The following MRTFB variants were observed in gnomAD, a reference collection of about 807,000 sequenced individuals.
The protein encoded by MRTFB is myocardin related transcription factor B.
A neutral mutation model predicts 104.2 loss-of-function variants in MRTFB; 29 were observed. The ratio of observed to expected loss-of-function variants is 0.28; its 90% CI spans 0.21 to 0.38. The LOEUF is 0.38. Ranked by LOEUF, MRTFB falls within the 10% of genes least tolerant of loss-of-function variation. The probability of loss-of-function intolerance (pLI) is 1.00; values close to 1 mark genes in which losing one functional copy is unlikely to be tolerated. For synonymous variants in MRTFB, 535 were observed against 519.5 expected (o/e 1.03, Z -0.41); for missense variants, 1,270 against 1,341.6 (o/e 0.95, Z 0.83).
chr16:14,066,158 T>C, the MRTFB span, among the ~76,000 whole-genome samples: 3 of 152,302 alleles, frequency 2.0e-5, no homozygotes, highest in Admixed American at 6.5e-5. Flanking sequence ...AACCCCACTA[T>C]AGGACTTTAT....
rs566969954 is a variant in MRTFB at position 14,077,084 on chromosome 16, A to G, written c.-128-2206A>G. Among the ~76,000 whole-genome samples the G allele has an allele frequency of 6.6e-5, 10 of 152,268 alleles. No individual in the cohort carries two copies. In the East Asian group the frequency reaches 1.9e-3, roughly 29 times the overall value. ...TCACTTGTTTTTAAAAATGACTTTC[A>G]TGTATTTTGGTATAAAGAAGGCTTA... On this transcript the variant is annotated intron_variant, in intron 1 of 16. Coordinates refer to ENST00000571589, the MANE Select transcript of MRTFB (RefSeq NM_001308142.2).
chr16:14,238,336 A>G (rs1295279507), intron 9 of MRTFB, among the ~76,000 whole-genome samples: 1 of 151,982 alleles, frequency 6.6e-6, no homozygotes, highest in Non-Finnish European at 1.5e-5. Flanking sequence ...AAAGGGGGGG[A>G]CTGTGCAAGT....
chr16:14,031,889 C>A, the MRTFB span, among the ~76,000 whole-genome samples: 3 of 152,134 alleles, frequency 2.0e-5, no homozygotes, highest in African/African-American at 4.8e-5. Flanking sequence ...CTCTCTGCAA[C>A]CTCCGTCTCC....
At chr16:14,159,656 G>A (rs868436189) in intron 3 of MRTFB, among the ~76,000 whole-genome samples, 18 of 152,194 alleles carry the variant, frequency 1.2e-4, no homozygotes, top group South Asian at 8.3e-4. Flanking sequence ...ATGGCCGGGC[G>A]CGGTGGCTCA....
the MRTFB span, among the ~76,000 whole-genome samples, chr16:14,016,703 G>A: frequency 3.4e-5 from 5 of 149,054 alleles, no homozygotes; most frequent in Admixed American, 3.3e-4. Context: ...AACCCAGGAG[G>A]CGGAGGTTGC....
the MRTFB span, among the ~76,000 whole-genome samples, chr16:14,057,840 C>T: frequency 1.3e-5 from 2 of 152,212 alleles, no homozygotes; most frequent in Non-Finnish European, 2.9e-5. Flanking sequence ...ACTAAAGAGT[C>T]CAACTCTGAG....
At chr16:14,166,217 C>CTTTTT (rs35113283) in intron 3 of MRTFB, among the ~76,000 whole-genome samples, 81 of 112,370 alleles carry the variant, frequency 7.2e-4, no homozygotes, top group East Asian at 9.8e-4. Flanking sequence ...GTTTTCTTTT[C>CTTTTT]TTTTTTTTTT....
chr16:14,186,939 C>T, intron 3 of MRTFB: 1 of 1,598,218 alleles, frequency 6.3e-7, no homozygotes, highest in Middle Eastern at 1.7e-4. Context: ...CAAGAAGCAG[C>T]AACAGGGCTT....
intron 9 of MRTFB, among the ~76,000 whole-genome samples, chr16:14,234,612 A>T (rs895083664): frequency 1.3e-5 from 2 of 152,156 alleles, no homozygotes; most frequent in Admixed American, 1.3e-4. Context: ...TGGGCAACAT[A>T]GCAAGACACT....
chr16:14,022,171 T>A, the MRTFB span, among the ~76,000 whole-genome samples: 5 of 152,318 alleles, frequency 3.3e-5, no homozygotes, highest in Admixed American at 3.3e-4. Context: ...ACTTACAGGT[T>A]CCAGAGGCTA....
In MRTFB at chr16:14,258,081, T is replaced by C; in HGVS notation, c.2704-20T>C. The C allele has an allele frequency of 6.2e-7, 1 of 1,610,502 alleles. No individual in the cohort carries two copies. Among genetic ancestry groups the C allele is most frequent in the South Asian group, 1.1e-5 (1 of 90,942 alleles). The stretch of plus-strand genomic sequence containing the variant: ...AGGTTTGTATGAAAGAAACCTAATT[T>C]GTACTCTCCTTCATTGTAGATTTCC... On this transcript the variant is annotated intron_variant, in intron 15 of 16. Coordinates refer to ENST00000571589, the MANE Select transcript of MRTFB (RefSeq NM_001308142.2).
At chr16:14,212,145 T>C (rs1202382566) in intron 4 of MRTFB, among the ~76,000 whole-genome samples, 2 of 152,258 alleles carry the variant, frequency 1.3e-5, no homozygotes, top group Non-Finnish European at 2.9e-5. Flanking sequence ...ACAATCGTGT[T>C]TTAAATGTCT....
At chr16:14,122,549 CTTATG>C (rs2036905169) in intron 2 of MRTFB, among the ~76,000 whole-genome samples, 2 of 152,044 alleles carry the variant, frequency 1.3e-5, no homozygotes, top group South Asian at 4.2e-4. Flanking sequence ...GTTTTCTGTT[CTTATG>C]TTAGTTTGCT....
At chr16:14,221,863 C>T (rs1457013590) in intron 8 of MRTFB, among the ~76,000 whole-genome samples, 1 of 149,200 alleles carries the variant, frequency 6.7e-6, no homozygotes, top group African/African-American at 2.5e-5. Flanking sequence ...CTTACTACAA[C>T]CTCTGCCTCC....
chr16:14,029,038 G>T, the MRTFB span, among the ~76,000 whole-genome samples: 1 of 151,094 alleles, frequency 6.6e-6, no homozygotes, highest in African/African-American at 2.4e-5. Flanking sequence ...GTAACCAGAG[G>T]ACAGGTGCAG....
intron 4 of MRTFB, 142 bp from the exon 5 acceptor site, chr16:14,212,212 G>T: frequency 1.5e-6 from 1 of 686,718 alleles, no homozygotes; most frequent in Middle Eastern, 2.6e-4. Context: ...TTCAAATTTT[G>T]CAGGTCTCCT....
At chr16:14,058,715 T>G in the MRTFB span, among the ~76,000 whole-genome samples, 2 of 106,934 alleles carry the variant, frequency 1.9e-5, no homozygotes, top group East Asian at 7.0e-4. Flanking sequence ...TGTATTTGTT[T>G]TTTTTTTTTT....
chr16:14,034,814 A>T, the MRTFB span, among the ~76,000 whole-genome samples: 1 of 152,138 alleles, frequency 6.6e-6, no homozygotes, highest in Non-Finnish European at 1.5e-5. Flanking sequence ...TACTGGGAGT[A>T]AGGACTTCAC....
At chr16:14,091,102 TACC>T (rs1226845325) in intron 2 of MRTFB, among the ~76,000 whole-genome samples, 1 of 152,106 alleles carries the variant, frequency 6.6e-6, no homozygotes, top group Non-Finnish European at 1.5e-5. Context: ...CTAGTTACTA[TACC>T]ATGGATGCTG....
Sources: gnomAD v4.1 joint callset for allele counts (sites outside exome capture counted in the v4.1 genomes callset) on GRCh38, gnomAD v4.1.1 for gene constraint, MANE v1.5 for transcripts, NCBI Gene and HGNC (gene_info 2026-07-23, HGNC 2026-07-21) for gene names.